SGCZ: variants seen among roughly 807,000 people sequenced by gnomAD.
The protein encoded by SGCZ is zeta-sarcoglycan.
SGCZ carries 40 observed loss-of-function variants against 41.3 expected under a neutral mutation model. The ratio of observed to expected loss-of-function variants is 0.97; its 90% CI spans 0.75 to 1.26. The LOEUF is 1.26. Ranked by LOEUF, SGCZ falls within the 50% of genes most tolerant of loss-of-function variation. The probability of loss-of-function intolerance (pLI) is 0.00; values close to 1 mark genes in which losing one functional copy is unlikely to be tolerated. For missense variants in SGCZ, 552 were observed against 369.8 expected (o/e 1.49, Z -4.04); for synonymous variants, 206 against 137.5 (o/e 1.50, Z -3.49).
chr8:15,043,121 T>A (rs1050363470), intron 1 of SGCZ, among the ~76,000 whole-genome samples: 6 of 152,166 alleles, frequency 3.9e-5, no homozygotes, highest in Non-Finnish European at 7.4e-5. Context: ...CCTCAACCAC[T>A]GTTTGGGAGT....
At chr8:14,210,545 C>A (rs1805770133) in intron 4 of SGCZ, among the ~76,000 whole-genome samples, 1 of 151,930 alleles carries the variant, frequency 6.6e-6, no homozygotes, top group African/African-American at 2.4e-5. Context: ...TCACCACAAC[C>A]CCTGTCTCCC....
At chr8:14,094,143 A>AAAG (rs1801772320) in intron 7 of SGCZ, among the ~76,000 whole-genome samples, 1 of 152,012 alleles carries the variant, frequency 6.6e-6, no homozygotes, top group Non-Finnish European at 1.5e-5. Context: ...CTTTTTTTAA[A>AAAG]AAGATTTTTT....
At chr8:15,031,233 G>T (rs141933787) in intron 1 of SGCZ, among the ~76,000 whole-genome samples, 3 of 152,158 alleles carry the variant, frequency 2.0e-5, no homozygotes, top group East Asian at 3.9e-4. Flanking sequence ...TGGCAGAATA[G>T]GTTTATTCCT....
chr8:15,182,841 G>A (rs1800218372), intron 1 of SGCZ, among the ~76,000 whole-genome samples: 1 of 152,142 alleles, frequency 6.6e-6, no homozygotes, highest in Non-Finnish European at 1.5e-5. Context: ...TTCGGCTGTT[G>A]TAATAACAGC....
intron 1 of SGCZ, among the ~76,000 whole-genome samples, chr8:15,205,549 G>C (rs1801030792): frequency 6.6e-6 from 1 of 152,032 alleles, no homozygotes; most frequent in South Asian, 2.1e-4. Context: ...AAAAACCACA[G>C]AGAGATACCA....
intron 1 of SGCZ, among the ~76,000 whole-genome samples, chr8:14,584,222 C>G (rs1055886599): frequency 4.6e-5 from 7 of 151,886 alleles, no homozygotes; most frequent in Admixed American, 3.3e-4. Context: ...CATTGAAAGA[C>G]AAGTAAAATT....
intron 2 of SGCZ, among the ~76,000 whole-genome samples, chr8:14,467,304 C>T (rs1014473305): frequency 6.6e-6 from 1 of 151,968 alleles, no homozygotes; most frequent in Non-Finnish European, 1.5e-5. Flanking sequence ...CCTTTTAATT[C>T]CGTGAAAGTC....
At chr8:14,104,961 A>T (rs1193191304) in intron 6 of SGCZ, among the ~76,000 whole-genome samples, 1 of 152,098 alleles carries the variant, frequency 6.6e-6, no homozygotes, top group Admixed American at 6.6e-5. Context: ...ATCTTTAGGA[A>T]ATGAGCACTG....
chr8:14,134,907 G>A (rs1047059698), intron 5 of SGCZ, among the ~76,000 whole-genome samples: 1 of 152,064 alleles, frequency 6.6e-6, no homozygotes, highest in African/African-American at 2.4e-5. Context: ...TTCATGATGA[G>A]AATGTTAAAT....
intron 1 of SGCZ, among the ~76,000 whole-genome samples, chr8:14,706,912 G>A (rs1809348882): frequency 6.7e-6 from 1 of 150,072 alleles, no homozygotes; most frequent in South Asian, 2.1e-4. Flanking sequence ...AATACAGCCA[G>A]AAATTCTTAT....
chr8:14,373,351 G>C (rs1803980594), intron 2 of SGCZ, among the ~76,000 whole-genome samples: 1 of 152,158 alleles, frequency 6.6e-6, no homozygotes, highest in South Asian at 2.1e-4. Context: ...AAGTGGTTGA[G>C]ACCAACTTGG....
At chr8:14,184,383 T>G (rs2117030862) in intron 4 of SGCZ, among the ~76,000 whole-genome samples, 1 of 152,320 alleles carries the variant, frequency 6.6e-6, no homozygotes, top group African/African-American at 2.4e-5. Context: ...TTTAAATGAT[T>G]TTTAGTCTTA....
chr8:14,847,226 A>G (rs1001031539), intron 1 of SGCZ, among the ~76,000 whole-genome samples: 8 of 152,128 alleles, frequency 5.3e-5, no homozygotes, highest in African/African-American at 1.9e-4. Flanking sequence ...CAAGACATTA[A>G]AAGAGGAAAG....
At chr8:14,176,229 C>G (rs1464449622) in intron 4 of SGCZ, among the ~76,000 whole-genome samples, 1 of 152,120 alleles carries the variant, frequency 6.6e-6, no homozygotes, top group Non-Finnish European at 1.5e-5. Flanking sequence ...TAAAGTACTT[C>G]TTTTCAACTG....
intron 1 of SGCZ, among the ~76,000 whole-genome samples, chr8:15,185,811 G>A (rs891779512): frequency 1.3e-5 from 2 of 152,034 alleles, no homozygotes; most frequent in Non-Finnish European, 2.9e-5. Context: ...ATCATTTCTG[G>A]CTACTATAAC....
At chr8:14,330,619 A>AT (rs1419644393) in intron 2 of SGCZ, among the ~76,000 whole-genome samples, 1 of 152,168 alleles carries the variant, frequency 6.6e-6, no homozygotes, top group Admixed American at 6.5e-5. Context: ...GACTGTTTAA[A>AT]TTTAAATTTA....
In SGCZ at chr8:14,111,206, CAAATCATTTTTTAGTAT is replaced by C. The variant is rs1416867928; in HGVS notation, c.548-2988_548-2972del. 5.3e-5 allele frequency among the ~76,000 whole-genome samples: 8 copies of C among 152,146 alleles called. No individual in the cohort carries two copies. The South Asian group carries it at 1.5e-3, about 28-fold the overall frequency. ...GCTCATTTGAATTTCAGATAAACAT[CAAATCATTTTTTAGTAT>C]AAGTATAGGATATTTACAGGGGATA... On this transcript the variant is annotated intron_variant, in intron 5 of 7. Transcript: ENST00000382080.
chr8:14,489,866 C>CATTTTTTTTTTTTTTTTTTTTTTTT (rs142314868), intron 2 of SGCZ, among the ~76,000 whole-genome samples: 2 of 137,480 alleles, frequency 1.5e-5, no homozygotes, highest in African/African-American at 2.9e-5. Flanking sequence ...AATTCTCCTA[C>CATTTTTTTTTTTTTTTTTTTTTTTT]CTTTTTTTTT....
At chr8:14,123,103 G>C (rs904409762) in intron 5 of SGCZ, among the ~76,000 whole-genome samples, 1 of 152,150 alleles carries the variant, frequency 6.6e-6, no homozygotes, top group Non-Finnish European at 1.5e-5. Flanking sequence ...TAAGAGAGAA[G>C]ATTCAAACTT....
Sources: gnomAD v4.1 joint callset for allele counts (sites outside exome capture counted in the v4.1 genomes callset) on GRCh38, gnomAD v4.1.1 for gene constraint, MANE v1.5 for transcripts, NCBI Gene and HGNC (gene_info 2026-07-23, HGNC 2026-07-21) for gene names.